The following BRCC3 variants were observed in gnomAD, a reference collection of about 807,000 sequenced individuals.
BRCC3 encodes BRCA1/BRCA2-containing complex subunit 3, also known as lys-63-specific deubiquitinase BRCC36.
Under a neutral mutation model 28.0 loss-of-function variants are expected in BRCC3, and 15 were observed. That is an observed-to-expected ratio of 0.54 (90% CI 0.36 to 0.82). The LOEUF is 0.82. Among genes scored for constraint, BRCC3 ranks in the 40% least tolerant of loss-of-function variants. The probability of loss-of-function intolerance (pLI) is 0.01; values close to 1 mark genes in which losing one functional copy is unlikely to be tolerated. For synonymous variants in BRCC3, 66 were observed against 80.3 expected, an observed-to-expected ratio of 0.82 and a Z score of 0.95; for missense variants, 109 against 225.9, an observed-to-expected ratio of 0.48 and a Z score of 3.32.
intron 4 of BRCC3, among the ~76,000 whole-genome samples, 158 bp downstream of exon 4, chrX:155,077,447 G>A (rs2074053206): frequency 8.9e-6 from 1 of 111,891 alleles, no homozygotes; most frequent in Admixed American, 9.5e-5. Flanking sequence ...CTCCTTTTGA[G>A]TGGCTTTTAT....
intron 7 of BRCC3, among the ~76,000 whole-genome samples, chrX:155,099,560 C>G (rs1404431865): frequency 2.7e-5 from 3 of 111,966 alleles, no homozygotes; most frequent in African/African-American, 9.7e-5. Flanking sequence ...CTTCAAGTAG[C>G]TCTGTCTTTG....
chrX:155,074,503 C>G (rs954757677), intron 3 of BRCC3, among the ~76,000 whole-genome samples: 1 of 111,439 alleles, frequency 9.0e-6, no homozygotes, highest in Non-Finnish European at 1.9e-5. Flanking sequence ...ATTCCTGTTT[C>G]CCCCTTCCCA....
intron 7 of BRCC3, among the ~76,000 whole-genome samples, chrX:155,097,599 T>TA (rs1299233718): frequency 2.7e-5 from 3 of 112,238 alleles, no homozygotes; most frequent in East Asian, 5.5e-4. Flanking sequence ...AAAGGTGTTT[T>TA]AAAAAACCAG....
At chrX:155,101,826 A>G (rs2074248812) in intron 7 of BRCC3, among the ~76,000 whole-genome samples, 1 of 111,764 alleles carries the variant, frequency 8.9e-6, no homozygotes, top group Non-Finnish European at 1.9e-5. Flanking sequence ...ATCATGCCCT[A>G]TCACTTCTCT....
chrX:155,095,015 A>G (rs1388894398), intron 7 of BRCC3, among the ~76,000 whole-genome samples: 1 of 112,281 alleles, frequency 8.9e-6, no homozygotes, highest in African/African-American at 3.2e-5. Flanking sequence ...TTTATATGAA[A>G]TACTTTCAGA....
chrX:155,114,872 C>G (rs1465880818), intron 7 of BRCC3, among the ~76,000 whole-genome samples: 1 of 111,805 alleles, frequency 8.9e-6, no homozygotes, highest in Non-Finnish European at 1.9e-5. Flanking sequence ...TAAGAATTCT[C>G]TAAAAACTGA....
intron 7 of BRCC3, among the ~76,000 whole-genome samples, chrX:155,094,248 G>C (rs926980914): frequency 9.0e-6 from 1 of 110,572 alleles, no homozygotes; most frequent in African/African-American, 3.3e-5. Flanking sequence ...TCTTGCTGTG[G>C]GACACCAGTC....
intron 5 of BRCC3, among the ~76,000 whole-genome samples, chrX:155,087,080 G>A (rs782076478): frequency 5.4e-5 from 6 of 111,644 alleles, no homozygotes; most frequent in Non-Finnish European, 9.4e-5. Context: ...TGCAGGGTCC[G>A]AGCCTGCTGA....
intron 3 of BRCC3, among the ~76,000 whole-genome samples, chrX:155,076,132 CG>C (rs2074040043): frequency 8.9e-6 from 1 of 111,954 alleles, no homozygotes; most frequent in African/African-American, 3.3e-5. Flanking sequence ...TCTCTGAGGC[CG>C]GGTGCGGTGG....
At position 155,073,425 on chromosome X, in the gene BRCC3, T is replaced by C; in HGVS notation, c.189T>C (p.Ala63=). Residue 63 remains alanine, a synonymous_variant, in exon 3 of 11, where the codon GCT becomes GCC. Coordinates refer to ENST00000330045, the MANE Select transcript of BRCC3 (RefSeq NM_001018055.3). ...CTGGAACTGAAATGCGCACAGTTGC[T>C]GAAAAGGTATGTGTGCTAAAATTTT... ...AYTGTEMRTV[A]EKVDAVRIVH... is the part of the protein sequence containing the mutation. The C allele has an allele frequency of 8.6e-7, 1 of 1,168,215 alleles. No individual in the cohort carries two copies. Among genetic ancestry groups the C allele is most frequent in the African/African-American group, 1.8e-5 (1 of 56,253 alleles).
At chrX:155,087,527 G>T (rs1291446926) in intron 5 of BRCC3, among the ~76,000 whole-genome samples, 1 of 112,086 alleles carries the variant, frequency 8.9e-6, no homozygotes, top group African/African-American at 3.3e-5. Flanking sequence ...ACTAGAGTTT[G>T]TTGGGCAAGA....
chrX:155,122,299 G>A lies in BRCC3; in HGVS notation c.*1095G>A, dbSNP rs1324019081. On this transcript the variant is annotated 3_prime_UTR_variant, in exon 11 of 11. Coordinates refer to ENST00000330045, the MANE Select transcript of BRCC3 (RefSeq NM_001018055.3). ...AGGGAATGCAAATTGAAACCACAGC[G>A]AGGCTATGACTTACTTATCTCAATG... The A allele has an allele frequency of 1.8e-5, 2 of 111,764 alleles. No homozygotes were observed. Among genetic ancestry groups the A allele is most frequent in the African/African-American group, 6.5e-5 (2 of 30,743 alleles). The allele number at this position is 111,764 out of a possible 1,213,427, so 9.2% of individuals were successfully genotyped here.
intron 7 of BRCC3, among the ~76,000 whole-genome samples, chrX:155,108,950 G>A (rs6649617): frequency 0.36 from 39,612 of 110,151 alleles, 5,990 homozygotes; most frequent in African/African-American, 0.57. Context: ...TCCCTATCTG[G>A]AAGAGATGCT....
intron 2 of BRCC3, 53 bp downstream of exon 2, chrX:155,072,396 C>G (rs2073992547): frequency 2.9e-6 from 3 of 1,017,271 alleles, no homozygotes; most frequent in Non-Finnish European, 2.7e-6. Flanking sequence ...CATTGTTAAC[C>G]TAAAATTATG....
At chrX:155,117,437 G>A (rs1257437700) in intron 9 of BRCC3, among the ~76,000 whole-genome samples, 1 of 111,802 alleles carries the variant, frequency 8.9e-6, no homozygotes, top group Admixed American at 9.5e-5. Flanking sequence ...TGACTTCTGG[G>A]TCATTCTGTG....
At chrX:155,116,267 C>A in intron 8 of BRCC3, 79 bp downstream of exon 8, 1 of 981,469 alleles carries the variant, frequency 1.0e-6, no homozygotes, top group Non-Finnish European at 1.4e-6. Context: ...TTCTCTTTAG[C>A]AGCTCAACTC....
chrX:155,105,398 G>A (rs1406207931), intron 7 of BRCC3, among the ~76,000 whole-genome samples: 18 of 111,646 alleles, frequency 1.6e-4, no homozygotes, highest in Non-Finnish European at 3.2e-4. Flanking sequence ...CAGGAGAATT[G>A]CTTGAACCCG....
At chrX:155,084,565 G>A (rs1472240153) in intron 5 of BRCC3, among the ~76,000 whole-genome samples, 1 of 111,687 alleles carries the variant, frequency 9.0e-6, no homozygotes, top group Non-Finnish European at 1.9e-5. Flanking sequence ...GGGTTTCACT[G>A]TGTTAGCCAG....
At chrX:155,106,246 A>C (rs2074283584) in intron 7 of BRCC3, among the ~76,000 whole-genome samples, 1 of 109,615 alleles carries the variant, frequency 9.1e-6, no homozygotes. Context: ...TAAGCATTTA[A>C]CTTCTTTTTT....
Sources: allele counts gnomAD v4.1 joint callset (sites outside exome capture counted in the v4.1 genomes callset), GRCh38; gene constraint gnomAD v4.1.1; transcripts MANE v1.5; gene names NCBI Gene and HGNC (gene_info 2026-07-23, HGNC 2026-07-21).